HHIPL1: variants seen among roughly 807,000 people sequenced by gnomAD.
HHIPL1 encodes the protein HHIP like 1, also known as HHIP-like protein 1.
A neutral mutation model predicts 61.8 loss-of-function variants in HHIPL1; 43 were observed. That is an observed-to-expected ratio of 0.70 (90% CI 0.55 to 0.90). The LOEUF is 0.90. Ranked by LOEUF, HHIPL1 falls within the 40% of genes least tolerant of loss-of-function variation. The probability of loss-of-function intolerance (pLI) is 0.00; values close to 1 mark genes in which losing one functional copy is unlikely to be tolerated. For synonymous variants in HHIPL1, 482 were observed against 515.8 expected, an observed-to-expected ratio of 0.93 and a Z score of 0.89; for missense variants, 1,056 against 1,157.7, an observed-to-expected ratio of 0.91 and a Z score of 1.28.
At chr14:99,649,295 A>G (rs2055889727) in intron 1 of HHIPL1, among the ~76,000 whole-genome samples, 1 of 152,078 alleles carries the variant, frequency 6.6e-6, no homozygotes, top group Admixed American at 6.5e-5. Context: ...TGCCTTCCAG[A>G]TGTCTGTTCT....
At chr14:99,620,148 T>G in the HHIPL1 span, among the ~76,000 whole-genome samples, 44 of 152,188 alleles carry the variant, frequency 2.9e-4, no homozygotes, top group African/African-American at 1.0e-3. Flanking sequence ...TCTTGGACCC[T>G]CCTGGATTGC....
chr14:99,661,260 A>T (rs893422591), intron 5 of HHIPL1, among the ~76,000 whole-genome samples: 1 of 152,028 alleles, frequency 6.6e-6, no homozygotes, highest in African/African-American at 2.4e-5. Flanking sequence ...CAGTTACTTC[A>T]CCTTTCCTTA....
rs1479075503 is a variant in HHIPL1, at chr14:99,668,092, A to T, written c.1649-130A>T. ...GACTGGACAGCTAGACTGAGCTGGG[A>T]TGCCTCACGTGATGGCTAGCTGGGG... is the stretch of plus-strand genomic sequence containing the variant. On this transcript the variant is annotated intron_variant, in intron 6 of 8. Coordinates refer to ENST00000330710, the MANE Select transcript of HHIPL1 (RefSeq NM_001127258.3). This position sits in a 1 kb window ranked among gnomAD's most constrained non-coding sequence, Gnocchi z 4.7. 1.4e-6 allele frequency: 1 copy of T among 713,124 alleles called. No individual in the cohort carries two copies. Among genetic ancestry groups the T allele is most frequent in the African/African-American group, 1.7e-5 (1 of 57,928 alleles). 44.2% of individuals were successfully genotyped at this position (713,124 alleles called of 1,614,324 possible). A position where few individuals can be genotyped will look rare whatever the true frequency, so the allele number is the denominator to read the frequency against.
At chr14:99,664,660 A>G (rs572389566) in intron 6 of HHIPL1, among the ~76,000 whole-genome samples, 1 of 152,280 alleles carries the variant, frequency 6.6e-6, no homozygotes, top group East Asian at 1.9e-4. Context: ...CAACACTTGC[A>G]AATTACAAAA....
Position 99,659,319 on chromosome 14 carries a change from C to T in HHIPL1, c.1047-109C>T, listed in dbSNP as rs1019429691. On this transcript the variant is annotated intron_variant, in intron 3 of 8. Transcript: ENST00000330710. Reference sequence around the variant, plus strand: ...CTCTGGCCCCACAGCCTAGGCTCACCCTGCACCTGGCTCAGCGGTCAGCCG... The same window carrying T: ...CTCTGGCCCCACAGCCTAGGCTCACTCTGCACCTGGCTCAGCGGTCAGCCG... 4.7e-6 allele frequency: 4 copies of T among 847,888 alleles called. No homozygotes were observed. In the South Asian group the frequency reaches 8.6e-5, roughly 18 times the overall value. 52.5% of individuals were successfully genotyped at this position (847,888 alleles called of 1,614,324 possible).
intron 1 of HHIPL1, among the ~76,000 whole-genome samples, chr14:99,648,361 A>G (rs1421629241): frequency 6.6e-6 from 1 of 152,208 alleles, no homozygotes; most frequent in Non-Finnish European, 1.5e-5. Context: ...ACATAGGCAC[A>G]GAGAGGTTAA....
chr14:99,649,900 G>C (rs775175237), intron 1 of HHIPL1, among the ~76,000 whole-genome samples: 2 of 152,234 alleles, frequency 1.3e-5, no homozygotes, highest in East Asian at 3.9e-4. Flanking sequence ...TGCAGCTGCC[G>C]GCTGACCCAC....
At chr14:99,667,996 CG>C (rs964087440) in intron 6 of HHIPL1, among the ~76,000 whole-genome samples, 3 of 152,174 alleles carry the variant, frequency 2.0e-5, no homozygotes, top group African/African-American at 7.2e-5. Context: ...GCCTGACACC[CG>C]GAAGACCAGG....
the HHIPL1 span, among the ~76,000 whole-genome samples, chr14:99,614,546 C>T: frequency 3.9e-5 from 6 of 152,200 alleles, no homozygotes; most frequent in African/African-American, 1.4e-4. Context: ...GCTCAGGTCC[C>T]ACCCCAGACC....
At chr14:99,641,425 T>C (rs1380340221), upstream of HHIPL1, among the ~76,000 whole-genome samples, 2 of 151,740 alleles carry the variant, frequency 1.3e-5, no homozygotes, top group Non-Finnish European at 2.9e-5. Context: ...TCTTTCTTTT[T>C]TTTTTTTTCA....
chr14:99,622,502 C>G, the HHIPL1 span, among the ~76,000 whole-genome samples: 1 of 152,198 alleles, frequency 6.6e-6, no homozygotes, highest in East Asian at 1.9e-4. Flanking sequence ...TCTCTGGCAC[C>G]GACGCCCTGT....
intron 5 of HHIPL1, among the ~76,000 whole-genome samples, chr14:99,662,583 G>A (rs1366598768): frequency 4.6e-5 from 7 of 152,136 alleles, no homozygotes; most frequent in African/African-American, 1.4e-4. Flanking sequence ...CAGAGGGCCC[G>A]GTACCCAGAA....
the HHIPL1 span, among the ~76,000 whole-genome samples, chr14:99,612,305 A>T: frequency 2.0e-5 from 3 of 152,080 alleles, no homozygotes; most frequent in Admixed American, 2.0e-4. Context: ...ACACGTGGGG[A>T]TTATTACAAT....
intron 6 of HHIPL1, among the ~76,000 whole-genome samples, chr14:99,663,260 T>C (rs1305188535): frequency 6.6e-6 from 1 of 152,054 alleles, no homozygotes; most frequent in Non-Finnish European, 1.5e-5. Context: ...GGGAAGTCCA[T>C]AGAGTAAAGT....
intron 2 of HHIPL1, among the ~76,000 whole-genome samples, chr14:99,655,106 G>A (rs1300426041): frequency 6.6e-6 from 1 of 152,158 alleles, no homozygotes; most frequent in Non-Finnish European, 1.5e-5. Context: ...TCCGCTGTCA[G>A]TCTCTCCTCC....
At chr14:99,621,694 T>TTTTC in the HHIPL1 span, among the ~76,000 whole-genome samples, 2 of 141,072 alleles carry the variant, frequency 1.4e-5, no homozygotes, top group African/African-American at 5.6e-5. Context: ...GGATTCCCTT[T>TTTTC]TTTTCTTTTC....
At chr14:99,662,740 A>T in intron 5 of HHIPL1, 136 bp from the exon 6 acceptor site, 1 of 796,432 alleles carries the variant, frequency 1.3e-6, no homozygotes, top group South Asian at 1.8e-5. Context: ...GGATATGTAG[A>T]TGGATGGTGG....
the HHIPL1 span, among the ~76,000 whole-genome samples, chr14:99,628,221 A>G: frequency 6.6e-6 from 1 of 152,156 alleles, no homozygotes; most frequent in Non-Finnish European, 1.5e-5. Flanking sequence ...ATGGGACTGG[A>G]TGGGGCAGGT....
At chr14:99,649,931 T>C (rs1029976353) in intron 1 of HHIPL1, among the ~76,000 whole-genome samples, 9 of 152,178 alleles carry the variant, frequency 5.9e-5, no homozygotes, top group Non-Finnish European at 2.9e-5. Context: ...CAGTGAACCA[T>C]GGGAGGGACA....
Sources: gnomAD v4.1 joint callset for allele counts (sites outside exome capture counted in the v4.1 genomes callset) on GRCh38, gnomAD v4.1.1 for gene constraint, Gnocchi (gnomAD v3.1) non-coding constraint, MANE v1.5 for transcripts, NCBI Gene and HGNC (gene_info 2026-07-23, HGNC 2026-07-21) for gene names.